The following VPS13C variants were observed in gnomAD, a reference collection of about 807,000 sequenced individuals.
VPS13C encodes intermembrane lipid transfer protein VPS13C.
A neutral mutation model predicts 456.8 loss-of-function variants in VPS13C; 358 were observed. That is an observed-to-expected ratio of 0.78 (90% CI 0.72 to 0.86). The LOEUF is 0.86. Among genes scored for constraint, VPS13C ranks in the 40% least tolerant of loss-of-function variants. The probability of loss-of-function intolerance (pLI) is 0.00; values close to 1 mark genes in which losing one functional copy is unlikely to be tolerated. For missense variants in VPS13C, 4,818 were observed against 4,385.4 expected (o/e 1.10, Z -2.79); for synonymous variants, 1,578 against 1,486.7 (o/e 1.06, Z -1.41).
intron 66 of VPS13C, among the ~76,000 whole-genome samples, chr15:61,904,007 T>G (rs1351947657): frequency 6.6e-6 from 1 of 152,160 alleles, no homozygotes; most frequent in East Asian, 1.9e-4. Flanking sequence ...GACTTAAATC[T>G]AGGACCTGAT....
intron 23 of VPS13C, among the ~76,000 whole-genome samples, chr15:61,977,960 A>G (rs1341495871): frequency 6.6e-6 from 1 of 152,066 alleles, no homozygotes; most frequent in Non-Finnish European, 1.5e-5. Context: ...CATAGAGACT[A>G]TAACTGTCCT....
In VPS13C at chr15:61,945,844, T is replaced by G. The variant is rs765217835; in HGVS notation, c.5019A>C (p.Gln1673His). 3.1e-6 allele frequency: 5 copies of G among 1,612,158 alleles called. No homozygotes were observed. The highest frequency in any genetic ancestry group is 2.2e-5 in the South Asian group (2 of 90,636). ...CTGTGGCATCTGGATAAAGAGTCAG[T>G]TGGAACCTAAAGACTTCATCTCCCA... is the stretch of plus-strand genomic sequence containing the variant. ...SILGDEVFRF[Q>H]LTLYPDATEG... Residue 1673 changes from glutamine to histidine, a missense_variant, in exon 45 of 85, where the codon CAA becomes CAC. Around this residue, in one of 3 missense-constraint regions of VPS13C, gnomAD observed 4,552 missense variants for 4,130.6 expected, o/e 1.10. Transcript: ENST00000644861.
chr15:62,037,255 ATATATATTATATTATATAATATATT>A (rs1567136444), intron 3 of VPS13C, among the ~76,000 whole-genome samples: 4 of 25,802 alleles, frequency 1.6e-4, no homozygotes, highest in East Asian at 1.0e-3. Context: ...TAATATATTT[ATATATATTATATTATATAATATATT>A]ATATATATTA....
intron 66 of VPS13C, among the ~76,000 whole-genome samples, chr15:61,896,614 C>T (rs932918842): frequency 5.2e-4 from 79 of 152,312 alleles, no homozygotes; most frequent in African/African-American, 1.8e-3. Flanking sequence ...CCCACGGAGT[C>T]TCGCTGATTG....
At chr15:62,042,751 C>A (rs989026934) in intron 2 of VPS13C, among the ~76,000 whole-genome samples, 8 of 151,738 alleles carry the variant, frequency 5.3e-5, no homozygotes, top group Admixed American at 5.3e-4. Flanking sequence ...GGGAAAGGAG[C>A]TACTTTGAAT....
At position 61,863,545 on chromosome 15, in the gene VPS13C, G is replaced by C. The variant is rs1194816178; in HGVS notation, c.10864-17C>G. On this transcript the variant is annotated splice_polypyrimidine_tract_variant and intron_variant, in intron 81 of 84. Coordinates refer to ENST00000644861, the MANE Select transcript of VPS13C (RefSeq NM_020821.3). ...GATATGATTCTGAAAAGGAAACCAG[G>C]CTCTAGATTTGGGAAGTTATGCATT... The C allele has an allele frequency of 6.9e-6, 11 of 1,588,202 alleles. No individual in the cohort carries two copies. The African/African-American group carries it at 8.1e-5, about 12-fold the overall frequency.
chr15:61,911,904 A>G lies in VPS13C; in HGVS notation c.8651T>C (p.Val2884Ala), dbSNP rs747713240. The change falls in exon 63 of 85, where the codon GTT becomes GCT. Residue 2884 changes from valine to alanine, a missense_variant. This residue lies in a region of VPS13C where 4,552 missense variants were observed against 4,130.6 expected (regional missense o/e 1.10). Transcript: ENST00000644861. ...TGAGCCATCAGATGCAATCTCGCCA[A>G]CTTCTAGTTCTAATGATGACTTGTT... ...IANKSSLELE[V>A]GEIASDGSMP... 44 of 1,612,614 alleles carry G rather than the reference A, an allele frequency of 2.7e-5. No homozygotes were observed. Among genetic ancestry groups the G allele is most frequent in the Non-Finnish European group, 3.4e-5 (40 of 1,179,294 alleles).
chr15:61,931,379 G>A, intron 49 of VPS13C, 120 bp from the exon 50 acceptor site: 1 of 1,012,986 alleles, frequency 9.9e-7, no homozygotes, highest in Non-Finnish European at 1.4e-6. Context: ...TTAAAAGTAT[G>A]AGTGCTAAAA....
intron 51 of VPS13C, among the ~76,000 whole-genome samples, chr15:61,929,035 T>A (rs368261475): frequency 7.9e-5 from 12 of 152,190 alleles, no homozygotes; most frequent in African/African-American, 2.2e-4. Flanking sequence ...GGCTTCAGCA[T>A]ACACCTAGAC....
intron 50 of VPS13C, among the ~76,000 whole-genome samples, chr15:61,929,977 T>C (rs144910028): frequency 1.8e-4 from 27 of 152,304 alleles, no homozygotes; most frequent in African/African-American, 6.0e-4. Context: ...ATACTTACAA[T>C]GCAATTCTAT....
chr15:61,897,435 T>A (rs1041177591), intron 66 of VPS13C, among the ~76,000 whole-genome samples: 8 of 151,906 alleles, frequency 5.3e-5, no homozygotes, highest in Non-Finnish European at 1.2e-4. Context: ...AAACCAAGGC[T>A]CGAGAACTAC....
intron 50 of VPS13C, 86 bp from the exon 51 acceptor site, chr15:61,929,834 T>C (rs2043996343): frequency 7.8e-7 from 1 of 1,286,136 alleles, no homozygotes; most frequent in Middle Eastern, 2.7e-4. Context: ...CAATAATCTT[T>C]ATTTCACCTT....
chr15:62,007,714 T>G (rs2046900210), intron 14 of VPS13C, among the ~76,000 whole-genome samples: 1 of 152,222 alleles, frequency 6.6e-6, no homozygotes, highest in Admixed American at 6.5e-5. Context: ...AAACGACATG[T>G]GGGAAATAGC....
chr15:62,038,712 A>G (rs1018822992), intron 3 of VPS13C, among the ~76,000 whole-genome samples: 2 of 152,234 alleles, frequency 1.3e-5, no homozygotes, highest in East Asian at 1.9e-4. Context: ...TGCCTCCAGC[A>G]AAGGACAAAT....
In VPS13C at chr15:62,023,455, C is replaced by A. The variant is rs763365598; in HGVS notation, c.580G>T (p.Val194Leu). 6.3e-7 allele frequency: 1 copy of A among 1,578,348 alleles called. No individual in the cohort carries two copies. The highest frequency in any genetic ancestry group is 1.2e-5 in the South Asian group (1 of 83,546). ...TGAATATCTGTGATTTTTACTTGTACATTTTTTATTACTTGAGTTGCCAAT... is the reference window on the plus strand; with the variant it reads ...TGAATATCTGTGATTTTTACTTGTAAATTTTTTATTACTTGAGTTGCCAAT... ...EKLATQVIKN[V>L]QVKITDIHIK... is the part of the protein sequence containing the mutation. Residue 194 changes from valine to leucine, a missense_variant, in exon 8 of 85, where the codon GTA (valine) becomes TTA (leucine). Physicochemically the swap from Val to Leu is conservative, Grantham distance 32 (BLOSUM62 1). This residue lies in a region of VPS13C where 4,552 missense variants were observed against 4,130.6 expected (regional missense o/e 1.10). Transcript: ENST00000644861.
Position 62,023,769 on chromosome 15 carries a change from C to G in VPS13C, c.514+11G>C, listed in dbSNP as rs769268667. On this transcript the variant is annotated intron_variant, in intron 7 of 84. Coordinates refer to ENST00000644861, the MANE Select transcript of VPS13C (RefSeq NM_020821.3). The stretch of plus-strand genomic sequence containing the variant: ...TAAACAACACCATGGCATAAAACTA[C>G]TTTTACCTACCTTTTGAACGATCAA... 1 of 1,607,398 alleles carries G rather than the reference C, an allele frequency of 6.2e-7. No homozygotes were observed. The highest frequency in any genetic ancestry group is 8.5e-7 in the Non-Finnish European group (1 of 1,176,054).
intron 1 of VPS13C, 89 bp downstream of exon 1, chr15:62,060,186 G>C: frequency 1.5e-6 from 1 of 654,954 alleles, no homozygotes; most frequent in Non-Finnish European, 2.5e-6. Flanking sequence ...GGCGGCGCAG[G>C]GAGCAGGGCC....
intron 74 of VPS13C, among the ~76,000 whole-genome samples, chr15:61,878,232 C>A (rs932142027): frequency 6.6e-6 from 1 of 151,540 alleles, no homozygotes; most frequent in African/African-American, 2.4e-5. Flanking sequence ...TGTTCCAATA[C>A]CATTGTTGAA....
chr15:61,995,511 G>A (rs2046353749), intron 16 of VPS13C, among the ~76,000 whole-genome samples: 1 of 152,166 alleles, frequency 6.6e-6, no homozygotes, highest in Admixed American at 6.5e-5. Flanking sequence ...CAATGTGTAT[G>A]TTATATACAC....
Sources: allele counts gnomAD v4.1 joint callset (sites outside exome capture counted in the v4.1 genomes callset), GRCh38; gene constraint gnomAD v4.1.1; regional missense constraint gnomAD v4.1.1; transcripts MANE v1.5; gene names NCBI Gene and HGNC (gene_info 2026-07-23, HGNC 2026-07-21).